NRXN3: variants seen among roughly 807,000 people sequenced by gnomAD.
NRXN3 encodes neurexin III.
A neutral mutation model predicts 137.6 loss-of-function variants in NRXN3; 32 were observed. That is an observed-to-expected ratio of 0.23 (90% CI 0.18 to 0.31). The LOEUF (loss-of-function observed/expected upper bound fraction) is 0.31, where lower values mean the gene tolerates loss of function less well. NRXN3 is among the 10% of genes least tolerant of loss of function. The pLI is 1.00. For synonymous variants in NRXN3, 798 were observed against 784.5 expected, an observed-to-expected ratio of 1.02 and a Z score of -0.29; for missense variants, 1,574 against 2,062.5, an observed-to-expected ratio of 0.76 and a Z score of 4.59.
At chr14:78,950,990 C>G (rs2099386042) in intron 10 of NRXN3, among the ~76,000 whole-genome samples, 1 of 152,144 alleles carries the variant, frequency 6.6e-6, no homozygotes, top group African/African-American at 2.4e-5. Flanking sequence ...CCCTAGGAAT[C>G]AACACTGATT....
chr14:79,261,884 G>T (rs1343814030), intron 15 of NRXN3, among the ~76,000 whole-genome samples: 2 of 152,002 alleles, frequency 1.3e-5, no homozygotes, highest in African/African-American at 2.4e-5. Context: ...GGGCTAGTGG[G>T]CAAGGAGATT....
rs540614443 is a variant in NRXN3, at chr14:79,553,972, T to C, written c.3444+86570T>C. Among the ~76,000 whole-genome samples the C allele has an allele frequency of 2.6e-5, 4 of 152,290 alleles. No individual in the cohort carries two copies. The South Asian group carries it at 8.3e-4, about 32-fold the overall frequency. ...CTGCTGCAGGGTTAATTTATGATGA[T>C]GGAGTCATCTATATCATAGCTGAAA... On this transcript the variant is annotated intron_variant, in intron 16 of 20. Transcript: ENST00000335750.
At chr14:78,982,890 A>G (rs2099492964) in intron 14 of NRXN3, among the ~76,000 whole-genome samples, 1 of 152,190 alleles carries the variant, frequency 6.6e-6, no homozygotes, top group African/African-American at 2.4e-5. Flanking sequence ...TGTATATCTG[A>G]TAAGGCACTA....
Position 78,170,619 on chromosome 14 carries a change from A to G in NRXN3, c.-759A>G, listed in dbSNP as rs2058633407. On this transcript the variant is annotated 5_prime_UTR_variant, in exon 1 of 21. Transcript: ENST00000335750. ...GAAACATACCCAGCAAACTCAGTTG[A>G]TTAAACATCAAACAGACATACAGAC... The G allele has an allele frequency of 6.6e-6, 1 of 152,288 alleles. No individual in the cohort carries two copies. The highest frequency in any genetic ancestry group is 6.5e-5 in the Admixed American group (1 of 15,290). 9.4% of individuals were successfully genotyped at this position (152,288 alleles called of 1,614,324 possible).
chr14:78,972,379 A>G (rs1040968968), intron 14 of NRXN3, among the ~76,000 whole-genome samples: 7 of 152,232 alleles, frequency 4.6e-5, no homozygotes, highest in Non-Finnish European at 1.0e-4. Flanking sequence ...TGGTGTTCCC[A>G]AATCACCGTG....
rs1401685560 is a variant in NRXN3, at chr14:78,966,267, A to G, written c.2638A>G (p.Ser880Gly). 1 of 1,614,090 alleles carries G rather than the reference A, an allele frequency of 6.2e-7. No homozygotes were observed. Among genetic ancestry groups the G allele is most frequent in the East Asian group, 2.2e-5 (1 of 44,892 alleles). Residue 880 changes from serine (S) to glycine (G), a missense_variant, in exon 12 of 21, where the codon AGC becomes GGC. Transcript: ENST00000335750. ...CCCTGTCACCTTTAAGACCAAGAGC[A>G]GCTACCTGAGCCTTGCCACTCTTCA... is the stretch of plus-strand genomic sequence containing the variant. ...ADPVTFKTKS[S>G]YLSLATLQAY...
intron 15 of NRXN3, among the ~76,000 whole-genome samples, chr14:79,392,880 G>T (rs927537684): frequency 1.4e-4 from 20 of 141,864 alleles, no homozygotes; most frequent in African/African-American, 5.2e-4. Context: ...TGAGGCAGGA[G>T]AATTGCTTGA....
chr14:79,327,537 A>C (rs1354372575), intron 15 of NRXN3, among the ~76,000 whole-genome samples: 1 of 152,090 alleles, frequency 6.6e-6, no homozygotes, highest in Non-Finnish European at 1.5e-5. Flanking sequence ...ACAAGCACAC[A>C]CATCCATACT....
At chr14:79,403,701 GCTGGTATAAATTTGAC>G (rs1390146888) in intron 15 of NRXN3, among the ~76,000 whole-genome samples, 1 of 152,090 alleles carries the variant, frequency 6.6e-6, no homozygotes, top group Non-Finnish European at 1.5e-5. Context: ...CATTCCCTGT[GCTGGTATAAATTTGAC>G]CCTTGCATGT....
At chr14:78,977,820 A>G (rs562904323) in intron 14 of NRXN3, among the ~76,000 whole-genome samples, 2 of 152,314 alleles carry the variant, frequency 1.3e-5, no homozygotes, top group East Asian at 3.9e-4. Flanking sequence ...GCCAGTTTAC[A>G]TGAGGCAACA....
At chr14:78,276,149 G>A (rs946939601) in intron 2 of NRXN3, among the ~76,000 whole-genome samples, 1 of 152,220 alleles carries the variant, frequency 6.6e-6, no homozygotes, top group African/African-American at 2.4e-5. Context: ...TGGTGGGATT[G>A]TTGCCCCTCT....
At chr14:79,034,822 A>T (rs867922236) in intron 15 of NRXN3, among the ~76,000 whole-genome samples, 6 of 152,264 alleles carry the variant, frequency 3.9e-5, no homozygotes, top group South Asian at 4.1e-4. Flanking sequence ...TATAAAATTG[A>T]GTTTTATACA....
intron 2 of NRXN3, among the ~76,000 whole-genome samples, chr14:78,250,915 G>T (rs2068514004): frequency 6.6e-6 from 1 of 152,060 alleles, no homozygotes; most frequent in Non-Finnish European, 1.5e-5. Flanking sequence ...TTATCAGCTT[G>T]GCCTGTCTCA....
At chr14:79,608,967 T>A (rs1158537069) in intron 16 of NRXN3, among the ~76,000 whole-genome samples, 14 of 152,194 alleles carry the variant, frequency 9.2e-5, no homozygotes, top group Non-Finnish European at 4.4e-5. Flanking sequence ...GATCTTCCTC[T>A]CCTCTAGATC....
chr14:79,587,680 A>G (rs1258936138), intron 16 of NRXN3, among the ~76,000 whole-genome samples: 2 of 152,202 alleles, frequency 1.3e-5, no homozygotes, highest in African/African-American at 4.8e-5. Context: ...TAAATACCCA[A>G]TTTCTGGATT....
intron 4 of NRXN3, among the ~76,000 whole-genome samples, chr14:78,615,444 CAAAAAA>C (rs11456993): frequency 3.3e-5 from 4 of 120,910 alleles, no homozygotes; most frequent in African/African-American, 1.2e-4. Context: ...ACTGAAAATA[CAAAAAA>C]AAAAAAAAAA....
At chr14:79,229,935 T>G (rs1302134973) in intron 15 of NRXN3, among the ~76,000 whole-genome samples, 2 of 152,086 alleles carry the variant, frequency 1.3e-5, no homozygotes, top group African/African-American at 4.8e-5. Context: ...TCCCAGGAGC[T>G]CTCTGAGAGA....
chr14:78,495,867 T>C (rs995004692), intron 4 of NRXN3, among the ~76,000 whole-genome samples: 7 of 152,178 alleles, frequency 4.6e-5, no homozygotes, highest in African/African-American at 1.7e-4. Context: ...CCAAAGAAAT[T>C]TGCTAAAATG....
chr14:78,322,951 C>T (rs1161994915), intron 4 of NRXN3, among the ~76,000 whole-genome samples: 1 of 151,972 alleles, frequency 6.6e-6, no homozygotes, highest in Non-Finnish European at 1.5e-5. Context: ...ATGTGTGTCA[C>T]CTTCGTGTCT....
Sources: gnomAD v4.1 joint callset for allele counts (sites outside exome capture counted in the v4.1 genomes callset) on GRCh38, gnomAD v4.1.1 for gene constraint, MANE v1.5 for transcripts, NCBI Gene and HGNC (gene_info 2026-07-23, HGNC 2026-07-21) for gene names.